Variants in CAMKMT observed in about 807,000 individuals in gnomAD.
CAMKMT encodes the protein calmodulin-lysine N-methyltransferase.
A neutral mutation model predicts 48.0 loss-of-function variants in CAMKMT; 53 were observed. The observed-to-expected ratio is 1.10, with a 90% CI of 0.89 to 1.39. The LOEUF is 1.39. CAMKMT is among the 40% of genes most tolerant of loss of function. CAMKMT has a pLI of 0.00. For missense variants in CAMKMT, 428 were observed against 402.7 expected (o/e 1.06, Z -0.54); for synonymous variants, 165 against 152.3 (o/e 1.08, Z -0.61).
chr2:44,549,709 C>A, intron 3 of CAMKMT: 3 of 525,134 alleles, frequency 5.7e-6, no homozygotes, highest in Non-Finnish European at 1.0e-5. Flanking sequence ...GATTAAGGAT[C>A]CCCAAAGTCT....
At chr2:44,621,380 A>G (rs1672186915) in intron 3 of CAMKMT, among the ~76,000 whole-genome samples, 1 of 151,962 alleles carries the variant, frequency 6.6e-6, no homozygotes, top group African/African-American at 2.4e-5. Flanking sequence ...CCAAGGCTCT[A>G]CCTGTGTTCC....
At chr2:44,700,624 T>C (rs1677204481) in intron 3 of CAMKMT, among the ~76,000 whole-genome samples, 1 of 152,168 alleles carries the variant, frequency 6.6e-6, no homozygotes, top group South Asian at 2.1e-4. Context: ...GATTTATTGA[T>C]TAAGTTTGCT....
At chr2:44,679,248 C>T (rs1170119853) in intron 3 of CAMKMT, among the ~76,000 whole-genome samples, 2 of 152,152 alleles carry the variant, frequency 1.3e-5, no homozygotes, top group African/African-American at 2.4e-5. Flanking sequence ...CTGCCCAAAA[C>T]CTCAATATAG....
chr2:44,499,248 AT>A (rs1349401361), intron 3 of CAMKMT, among the ~76,000 whole-genome samples: 1 of 152,206 alleles, frequency 6.6e-6, no homozygotes, highest in Non-Finnish European at 1.5e-5. Flanking sequence ...GTCTGCAGCC[AT>A]TTATGTGAGG....
intron 3 of CAMKMT, among the ~76,000 whole-genome samples, chr2:44,692,366 T>C (rs1190920284): frequency 6.6e-6 from 1 of 152,198 alleles, no homozygotes; most frequent in African/African-American, 2.4e-5. Flanking sequence ...TTGCTTGTAC[T>C]TAACAAATGA....
chr2:44,471,178 A>G (rs2104650897), intron 3 of CAMKMT, among the ~76,000 whole-genome samples: 1 of 151,776 alleles, frequency 6.6e-6, no homozygotes, highest in East Asian at 1.9e-4. Context: ...TTTAGTAGAG[A>G]CGGGGTTTCA....
chr2:44,663,248 A>G (rs1431451978), intron 3 of CAMKMT, among the ~76,000 whole-genome samples: 2 of 152,184 alleles, frequency 1.3e-5, no homozygotes, highest in African/African-American at 4.8e-5. Flanking sequence ...CCAGAATCCA[A>G]TCTAGGATCA....
chr2:44,573,881 C>G (rs1030190750), intron 3 of CAMKMT, among the ~76,000 whole-genome samples: 1 of 152,114 alleles, frequency 6.6e-6, no homozygotes, highest in African/African-American at 2.4e-5. Context: ...GTAAGTATGT[C>G]TATTTCTGAA....
chr2:44,367,059 C>T (rs1028485318), intron 1 of CAMKMT, among the ~76,000 whole-genome samples: 1 of 152,122 alleles, frequency 6.6e-6, no homozygotes, highest in African/African-American at 2.4e-5. Flanking sequence ...AACACTATAG[C>T]TTCCGCATGT....
At chr2:44,432,177 T>C (rs1028276286) in intron 3 of CAMKMT, among the ~76,000 whole-genome samples, 4 of 152,208 alleles carry the variant, frequency 2.6e-5, no homozygotes, top group African/African-American at 9.7e-5. Flanking sequence ...GTTTCCTTTG[T>C]AAATGAATGT....
At chr2:44,522,399 A>G (rs1204034946) in intron 3 of CAMKMT, among the ~76,000 whole-genome samples, 1 of 152,150 alleles carries the variant, frequency 6.6e-6, no homozygotes, top group Non-Finnish European at 1.5e-5. Context: ...GTTACAATCT[A>G]TCACATTAGA....
chr2:44,581,860 G>A lies in CAMKMT; in HGVS notation c.377-122423G>A, dbSNP rs190536018. Among the ~76,000 whole-genome samples the A allele has an allele frequency of 1.4e-3, 215 of 152,290 alleles. 2 individuals carry two copies. Among genetic ancestry groups the A allele is most frequent in the Non-Finnish European group, 1.9e-4 (13 of 68,012 alleles). The stretch of plus-strand genomic sequence containing the variant: ...CTAAAAGTACACATATTAGCCAGGC[G>A]TGGTGCCGCGCGCCTGTAGTCCCAG... On this transcript the variant is annotated intron_variant, in intron 3 of 10. Transcript: ENST00000378494.
intron 3 of CAMKMT, among the ~76,000 whole-genome samples, chr2:44,604,038 T>A (rs936676684): frequency 2.0e-5 from 3 of 152,208 alleles, no homozygotes. Context: ...GTTAATTACT[T>A]GACATCTAAT....
At chr2:44,376,237 C>G (rs983269793) in intron 2 of CAMKMT, among the ~76,000 whole-genome samples, 3 of 151,808 alleles carry the variant, frequency 2.0e-5, no homozygotes, top group Admixed American at 1.3e-4. Flanking sequence ...ATGCTGAAAC[C>G]CTGTCTCTAC....
intron 3 of CAMKMT, among the ~76,000 whole-genome samples, chr2:44,641,747 G>A (rs1348380354): frequency 1.3e-5 from 2 of 152,004 alleles, no homozygotes; most frequent in African/African-American, 2.4e-5. Context: ...TTGTAGAGAT[G>A]GAGTTTTGCC....
At chr2:44,699,466 C>T (rs1047365488) in intron 3 of CAMKMT, among the ~76,000 whole-genome samples, 8 of 152,234 alleles carry the variant, frequency 5.3e-5, no homozygotes, top group South Asian at 2.1e-4. Context: ...GTGCTTTTTT[C>T]GGAGCAGTAG....
intron 3 of CAMKMT, among the ~76,000 whole-genome samples, chr2:44,414,040 C>T (rs1683388094): frequency 6.6e-6 from 1 of 152,118 alleles, no homozygotes; most frequent in Non-Finnish European, 1.5e-5. Context: ...GTTGGTAGGC[C>T]TTTTGACTAT....
intron 3 of CAMKMT, among the ~76,000 whole-genome samples, chr2:44,497,925 G>T (rs1320495373): frequency 1.3e-5 from 2 of 152,104 alleles, no homozygotes; most frequent in African/African-American, 4.8e-5. Context: ...CCTGTGTGGG[G>T]TAGGGAGTAG....
intron 3 of CAMKMT, among the ~76,000 whole-genome samples, chr2:44,495,595 C>G (rs1403419377): frequency 6.6e-6 from 1 of 152,058 alleles, no homozygotes; most frequent in Non-Finnish European, 1.5e-5. Context: ...TTTCTAAAAG[C>G]TTTTGTAGTG....
Sources: allele counts gnomAD v4.1 joint callset (sites outside exome capture counted in the v4.1 genomes callset), GRCh38; gene constraint gnomAD v4.1.1; transcripts MANE v1.5; gene names NCBI Gene and HGNC (gene_info 2026-07-23, HGNC 2026-07-21).